ANKRD44: variants seen among roughly 807,000 people sequenced by gnomAD.
The protein encoded by ANKRD44 is ankyrin repeat domain 44.
In ANKRD44, 35 loss-of-function variants were observed where a neutral mutation model predicts 116.0. The observed-to-expected ratio is 0.30, with a 90% CI of 0.23 to 0.40. ANKRD44 has a LOEUF of 0.40. Among genes scored for constraint, ANKRD44 ranks in the 10% least tolerant of loss-of-function variants. The pLI is 1.00. For synonymous variants in ANKRD44, 435 were observed against 461.8 expected, an observed-to-expected ratio of 0.94 and a Z score of 0.74; for missense variants, 1,014 against 1,242.6, an observed-to-expected ratio of 0.82 and a Z score of 2.77.
intron 1 of ANKRD44, among the ~76,000 whole-genome samples, chr2:197,283,330 C>G (rs2083317869): frequency 6.6e-6 from 1 of 152,184 alleles, no homozygotes; most frequent in Non-Finnish European, 1.5e-5. Context: ...GAATGTAATT[C>G]ATTTTTCAAC....
chr2:197,044,982 A>T (rs769550201), intron 16 of ANKRD44, among the ~76,000 whole-genome samples: 1 of 152,244 alleles, frequency 6.6e-6, no homozygotes, highest in South Asian at 2.1e-4. Context: ...AACTAGAATT[A>T]TTAAAATTAA....
chr2:197,110,408 T>G (rs1559070538), intron 9 of ANKRD44, among the ~76,000 whole-genome samples: 1 of 152,200 alleles, frequency 6.6e-6, no homozygotes, highest in Admixed American at 6.5e-5. Context: ...ACTCTAAAAT[T>G]TAAAAATAAT....
At chr2:197,000,381 T>G (rs777956929) in intron 23 of ANKRD44, 38 bp downstream of exon 23, 1 of 1,525,306 alleles carries the variant, frequency 6.6e-7, no homozygotes, top group Non-Finnish European at 9.1e-7. Flanking sequence ...GAGGGTAAGA[T>G]TCATCAAGAA....
At chr2:197,169,412 T>C (rs2080173247) in intron 2 of ANKRD44, among the ~76,000 whole-genome samples, 2 of 152,226 alleles carry the variant, frequency 1.3e-5, no homozygotes, top group Admixed American at 6.5e-5. Flanking sequence ...CAATACACTG[T>C]AAACTCCTGA....
At chr2:197,080,781 CAT>C (rs2077776175) in intron 15 of ANKRD44, among the ~76,000 whole-genome samples, 1 of 152,114 alleles carries the variant, frequency 6.6e-6, no homozygotes, top group Non-Finnish European at 1.5e-5. Context: ...TAGACACAGG[CAT>C]TCGGGCCACA....
intron 17 of ANKRD44, among the ~76,000 whole-genome samples, chr2:197,016,436 C>CTG (rs3032021): frequency 6.6e-6 from 1 of 152,104 alleles, no homozygotes; most frequent in Non-Finnish European, 1.5e-5. Flanking sequence ...AATACAGAAA[C>CTG]TAACAAAATG....
At chr2:197,107,311 C>A (rs995484988) in intron 9 of ANKRD44, among the ~76,000 whole-genome samples, 1 of 152,144 alleles carries the variant, frequency 6.6e-6, no homozygotes, top group African/African-American at 2.4e-5. Context: ...GTGAAGAAAA[C>A]ATCATTTTTG....
At chr2:197,165,907 A>C (rs554278147) in intron 2 of ANKRD44, among the ~76,000 whole-genome samples, 41 of 152,286 alleles carry the variant, frequency 2.7e-4, no homozygotes, top group African/African-American at 8.9e-4. Flanking sequence ...TTTTCTAATA[A>C]TTTTTACAAT....
rs1209878359 is a variant in ANKRD44, at chr2:197,152,237, G to A, written c.112-5132C>T. Among the ~76,000 whole-genome samples the A allele has an allele frequency of 2.6e-5, 4 of 152,206 alleles. No homozygotes were observed. In the East Asian group the frequency reaches 7.7e-4, roughly 29 times the overall value. On this transcript the variant is annotated intron_variant, in intron 2 of 27. Coordinates refer to ENST00000282272, the MANE Select transcript of ANKRD44 (RefSeq NM_001195144.2). Reference sequence around the variant, plus strand: ...TTTGCCCAAGTGGACTCTCTGTGATGACCAATAGTTGAATAGTTACATAGG... The same window carrying A: ...TTTGCCCAAGTGGACTCTCTGTGATAACCAATAGTTGAATAGTTACATAGG...
Position 196,989,516 on chromosome 2 carries a change from A to ACG in ANKRD44, c.*74_*75insCG, listed in dbSNP as rs1429700735. ...TGTAGCTGGCTGATGAACTACACAC[A>ACG]CACACACATATATATATATATACAC... On this transcript the variant is annotated 3_prime_UTR_variant, in exon 28 of 28. Coordinates refer to ENST00000282272, the MANE Select transcript of ANKRD44 (RefSeq NM_001195144.2). The ACG allele has an allele frequency of 1.4e-6, 2 of 1,472,942 alleles. No homozygotes were observed. The highest frequency in any genetic ancestry group is 1.8e-6 in the Non-Finnish European group (2 of 1,107,890). The allele number at this position is 1,472,942 out of a possible 1,614,324, so 91.2% of individuals were successfully genotyped here.
At chr2:197,144,893 AAACAAC>A in intron 3 of ANKRD44, among the ~76,000 whole-genome samples, 1 of 152,300 alleles carries the variant, frequency 6.6e-6, no homozygotes, top group East Asian at 1.9e-4. Flanking sequence ...TCAGATGTAG[AAACAAC>A]AACAACAACA....
chr2:197,279,103 G>A (rs1284769644), intron 1 of ANKRD44, among the ~76,000 whole-genome samples: 1 of 152,220 alleles, frequency 6.6e-6, no homozygotes, highest in African/African-American at 2.4e-5. Flanking sequence ...AAGCTTAGCA[G>A]TGCTGTATTT....
In ANKRD44 at chr2:196,979,554, C is replaced by CTTTTTTTTTTTT. The variant is rs71012942; in HGVS notation, c.2369-12120_2369-12109dup. 3.3e-3 allele frequency among the ~76,000 whole-genome samples: 195 copies of CTTTTTTTTTTTT among 59,642 alleles called. 16 individuals carry two copies. Among genetic ancestry groups the CTTTTTTTTTTTT allele is most frequent in the African/African-American group, 8.8e-3 (138 of 15,664 alleles). The allele number at this position is 59,642 out of a possible 152,430, so 39.1% of individuals were successfully genotyped here. On this transcript the variant is annotated intron_variant, in intron 21 of 21. Transcript: ENST00000424317. ...CAGCCTGAGTAATTTAATAAGATGA[C>CTTTTTTTTTTTT]TTTTTTTTTTTTTTTTTTTTTTTTT...
At chr2:197,252,671 G>A (rs1199595680) in intron 1 of ANKRD44, among the ~76,000 whole-genome samples, 1 of 152,082 alleles carries the variant, frequency 6.6e-6, no homozygotes, top group South Asian at 2.1e-4. Flanking sequence ...CCTGTCTCAC[G>A]CCAGGCATAA....
chr2:197,251,072 T>G (rs2082306148), intron 1 of ANKRD44: 1 of 152,218 alleles, frequency 6.6e-6, no homozygotes, highest in African/African-American at 2.4e-5. Flanking sequence ...ACAATATATT[T>G]TTAAATGTTT....
At position 197,061,783 on chromosome 2, in the gene ANKRD44, C is replaced by CTTTT. The variant is rs3031992; in HGVS notation, c.1650+16916_1650+16919dup. ...ATCTCCTTGAAAGTAATATCCATGC[C>CTTTT]TTTTTTTTTTTTTCTGAGGCAGAGT... On this transcript the variant is annotated intron_variant, in intron 16 of 27. Transcript: ENST00000282272. Among the ~76,000 whole-genome samples, 769 of 143,698 alleles carry CTTTT rather than the reference C, an allele frequency of 5.4e-3. 21 individuals are homozygous for CTTTT. The highest frequency in any genetic ancestry group is 0.019 in the East Asian group (91 of 4,884). 94.3% of individuals were successfully genotyped at this position (143,698 alleles called of 152,430 possible).
At chr2:197,134,524 TG>T (rs2079171776) in intron 4 of ANKRD44, 1 of 152,212 alleles carries the variant, frequency 6.6e-6, no homozygotes, top group Non-Finnish European at 1.5e-5. Context: ...GAATGCAGAC[TG>T]GTTGTTGATG....
intron 10 of ANKRD44, among the ~76,000 whole-genome samples, chr2:197,091,743 T>C (rs775614927): frequency 6.6e-6 from 1 of 152,226 alleles, no homozygotes; most frequent in African/African-American, 2.4e-5. Flanking sequence ...AATGGCTATA[T>C]TGTTGAAAAT....
intron 22 of ANKRD44, 83 bp downstream of exon 22, chr2:197,001,670 A>G (rs982068453): frequency 1.0e-6 from 1 of 978,620 alleles, no homozygotes; most frequent in African/African-American, 1.6e-5. Context: ...AATCTAAAAG[A>G]CTTTTTTCCC....
Sources: gnomAD v4.1 joint callset for allele counts (sites outside exome capture counted in the v4.1 genomes callset) on GRCh38, gnomAD v4.1.1 for gene constraint, MANE v1.5 for transcripts, NCBI Gene and HGNC (gene_info 2026-07-23, HGNC 2026-07-21) for gene names.